Variants in GLYR1 observed in about 807,000 individuals in gnomAD.
GLYR1 encodes glyoxylate reductase 1 homolog, also known as cytokine-like nuclear factor N-PAC.
Under a neutral mutation model 72.7 loss-of-function variants are expected in GLYR1, and 21 were observed. That is an observed-to-expected ratio of 0.29 (90% CI 0.20 to 0.42). GLYR1 has a LOEUF of 0.42. GLYR1 is among the 10% of genes least tolerant of loss of function. The pLI is 1.00. For missense variants in GLYR1, 594 were observed against 712.1 expected (o/e 0.83, Z 1.89); for synonymous variants, 392 against 270.2 (o/e 1.45, Z -4.42).
intron 10 of GLYR1, among the ~76,000 whole-genome samples, chr16:4,816,858 G>T (rs546654743): frequency 6.6e-6 from 1 of 151,594 alleles, no homozygotes; most frequent in Non-Finnish European, 1.5e-5. Flanking sequence ...GTGGTGGCGC[G>T]CGCCTGTAAT....
intron 5 of GLYR1, among the ~76,000 whole-genome samples, chr16:4,829,909 G>T (rs542576970): frequency 2.6e-5 from 4 of 152,268 alleles, no homozygotes; most frequent in African/African-American, 7.2e-5. Flanking sequence ...CCGACCTGAG[G>T]TGAACCACCT....
rs1036601152 is a variant in GLYR1, at chr16:4,832,292, G to A, written c.295-71C>T. The A allele has an allele frequency of 4.4e-6, 7 of 1,574,184 alleles. No individual in the cohort carries two copies. In the African/African-American group the frequency reaches 6.7e-5, roughly 15 times the overall value. ...CCGCCATCGCCACCATCATTTACAG[G>A]TGCCATGTGCTGCTACAGGCACTCT... On this transcript the variant is annotated intron_variant, in intron 4 of 15. Transcript: ENST00000321919.
rs778274593 is a variant in GLYR1 at position 4,811,315 on chromosome 16, T to C, written c.1463-21A>G. Reference sequence around the variant, plus strand: ...GATATCTGAGGAGAAAAAGCCAGTATCAGACAAAAGCCAAGGACCTGAAAC... The same window carrying C: ...GATATCTGAGGAGAAAAAGCCAGTACCAGACAAAAGCCAAGGACCTGAAAC... On this transcript the variant is annotated intron_variant, in intron 14 of 15. Coordinates refer to ENST00000321919, the MANE Select transcript of GLYR1 (RefSeq NM_032569.4). The C allele has an allele frequency of 5.6e-6, 9 of 1,612,762 alleles. No individual in the cohort carries two copies. The South Asian group carries it at 8.8e-5, about 16-fold the overall frequency.
rs2083366597 is a variant in GLYR1, at chr16:4,812,363, G to C, written c.1120-115C>G. 18 of 1,166,770 alleles carry C rather than the reference G, an allele frequency of 1.5e-5. No homozygotes were observed. The East Asian group carries it at 4.3e-4, about 28-fold the overall frequency. The allele number at this position is 1,166,770 out of a possible 1,614,324, so 72.3% of individuals were successfully genotyped here. On this transcript the variant is annotated intron_variant, in intron 12 of 15. Coordinates refer to ENST00000321919, the MANE Select transcript of GLYR1 (RefSeq NM_032569.4). The stretch of plus-strand genomic sequence containing the variant: ...TGCTCATCACCTTCCAGAGCTGGAG[G>C]GGACGGCCACCCATACCAAGGTCCT...
At chr16:4,805,429 G>A (rs1203421917) in intron 15 of GLYR1, 119 bp from the exon 16 acceptor site, 9 of 808,040 alleles carry the variant, frequency 1.1e-5, no homozygotes, top group African/African-American at 3.4e-5. Context: ...CAGGCTGTCC[G>A]GTTAGGAATC....
chr16:4,813,681 G>C, intron 12 of GLYR1, 56 bp downstream of exon 12: 2 of 1,435,908 alleles, frequency 1.4e-6, no homozygotes, highest in East Asian at 2.5e-5. Flanking sequence ...TGTAAGCCTG[G>C]GTCTTGGGCT....
intron 5 of GLYR1, among the ~76,000 whole-genome samples, chr16:4,829,202 G>A (rs780572176): frequency 2.6e-5 from 4 of 152,028 alleles, no homozygotes; most frequent in Non-Finnish European, 4.4e-5. Context: ...CTCACCAGAG[G>A]CCTCACACTG....
intron 5 of GLYR1, among the ~76,000 whole-genome samples, chr16:4,829,675 A>T (rs28768754): frequency 3.6e-5 from 5 of 140,324 alleles, no homozygotes; most frequent in Non-Finnish European, 7.8e-5. Flanking sequence ...TTTATATTAA[A>T]TTTTTTTTTT....
intron 10 of GLYR1, among the ~76,000 whole-genome samples, chr16:4,815,498 T>A (rs2083579242): frequency 6.6e-6 from 1 of 152,234 alleles, no homozygotes; most frequent in African/African-American, 2.4e-5. Context: ...TTAGCCCACT[T>A]TCAATTGTAA....
intron 12 of GLYR1, among the ~76,000 whole-genome samples, chr16:4,812,539 C>T (rs1046220103): frequency 6.6e-6 from 1 of 151,784 alleles, no homozygotes; most frequent in South Asian, 2.1e-4. Context: ...GTCGCCCAGG[C>T]TGGAGTGCAG....
At chr16:4,808,028 G>C (rs981116924) in intron 15 of GLYR1, among the ~76,000 whole-genome samples, 2 of 152,120 alleles carry the variant, frequency 1.3e-5, no homozygotes, top group African/African-American at 4.8e-5. Context: ...TTGAGGCCAG[G>C]AGTTCGAGTC....
intron 9 of GLYR1, among the ~76,000 whole-genome samples, chr16:4,818,338 A>G (rs1186061872): frequency 6.6e-6 from 1 of 152,164 alleles, no homozygotes; most frequent in African/African-American, 2.4e-5. Flanking sequence ...TCTGTTGCCC[A>G]GGCTGCAGTG....
chr16:4,805,792 G>A (rs185127892), intron 15 of GLYR1, among the ~76,000 whole-genome samples: 2 of 151,782 alleles, frequency 1.3e-5, no homozygotes, highest in Non-Finnish European at 2.9e-5. Flanking sequence ...CCTGGTGACC[G>A]TCGTGAAACC....
At chr16:4,816,149 T>C (rs1162619196) in intron 10 of GLYR1, among the ~76,000 whole-genome samples, 1 of 152,144 alleles carries the variant, frequency 6.6e-6, no homozygotes, top group Non-Finnish European at 1.5e-5. Flanking sequence ...CATTTTTTTG[T>C]CCTTTTTCTT....
intron 5 of GLYR1, among the ~76,000 whole-genome samples, chr16:4,827,955 A>G (rs1030917408): frequency 1.8e-4 from 28 of 152,126 alleles, no homozygotes; most frequent in Non-Finnish European, 1.8e-4. Flanking sequence ...GGTTTGTGGC[A>G]ACCCAGTATC....
Position 4,837,660 on chromosome 16 carries a change from G to A in GLYR1, c.156-4748C>T, listed in dbSNP as rs938609735. On this transcript the variant is annotated intron_variant, in intron 3 of 15. Coordinates refer to ENST00000321919, the MANE Select transcript of GLYR1 (RefSeq NM_032569.4). Reference sequence around the variant, plus strand: ...ACACACACAAGCATAGAGTATAAAGGTGAGAACAAGCCGGCACGGTAGCTC... The same window carrying A: ...ACACACACAAGCATAGAGTATAAAGATGAGAACAAGCCGGCACGGTAGCTC... 3.3e-5 allele frequency among the ~76,000 whole-genome samples: 5 copies of A among 151,978 alleles called. No homozygotes were observed. The South Asian group carries it at 8.3e-4, about 25-fold the overall frequency.
At position 4,804,574 on chromosome 16, in the gene GLYR1, C is replaced by G. The variant is rs371511149; in HGVS notation, c.*662G>C. The stretch of plus-strand genomic sequence containing the variant: ...CTGGAAAGCCAGGGCCCCATCTTCT[C>G]GGGACTCTGCCAGTCTCTTTTCAGT... On this transcript the variant is annotated 3_prime_UTR_variant, in exon 16 of 16. Coordinates refer to ENST00000321919, the MANE Select transcript of GLYR1 (RefSeq NM_032569.4). 1 of 152,886 alleles carries G rather than the reference C, an allele frequency of 6.5e-6. No homozygotes were observed. The highest frequency in any genetic ancestry group is 2.4e-5 in the African/African-American group (1 of 41,462). The allele number at this position is 152,886 out of a possible 1,614,324, so 9.5% of individuals were successfully genotyped here.
chr16:4,824,170 G>A (rs957639327), intron 5 of GLYR1, among the ~76,000 whole-genome samples: 2 of 152,178 alleles, frequency 1.3e-5, no homozygotes, highest in African/African-American at 4.8e-5. Flanking sequence ...CTGCAGTACT[G>A]TCTGCAAAGT....
At chr16:4,825,315 G>T (rs2084308769) in intron 5 of GLYR1, among the ~76,000 whole-genome samples, 1 of 151,984 alleles carries the variant, frequency 6.6e-6, no homozygotes, top group South Asian at 2.1e-4. Flanking sequence ...CCCCGTCACT[G>T]CTCTCTAGCT....
Sources: gnomAD v4.1 joint callset for allele counts (sites outside exome capture counted in the v4.1 genomes callset) on GRCh38, gnomAD v4.1.1 for gene constraint, MANE v1.5 for transcripts, NCBI Gene and HGNC (gene_info 2026-07-23, HGNC 2026-07-21) for gene names.